AMBRA1: variants seen among roughly 807,000 people sequenced by gnomAD.
AMBRA1 encodes autophagy and beclin 1 regulator 1, also known as activating molecule in BECN1-regulated autophagy protein 1.
In AMBRA1, 47 loss-of-function variants were observed where a neutral mutation model predicts 125.4. That is an observed-to-expected ratio of 0.37 (90% CI 0.30 to 0.48). The LOEUF is 0.48. Among genes scored for constraint, AMBRA1 ranks in the 20% least tolerant of loss-of-function variants. The pLI, the probability that AMBRA1 is intolerant of heterozygous loss-of-function variation, is 0.99. For missense variants in AMBRA1, 1,331 were observed against 1,693.4 expected (o/e 0.79, Z 3.76); for synonymous variants, 626 against 655.5 (o/e 0.95, Z 0.69).
chr11:46,528,476 G>A (rs1591038261), intron 7 of AMBRA1, among the ~76,000 whole-genome samples: 1 of 152,124 alleles, frequency 6.6e-6, no homozygotes, highest in Admixed American at 6.5e-5. Context: ...CAGCCACTGT[G>A]ACATATTAAT....
At chr11:46,481,952 G>A (rs1323932835) in intron 11 of AMBRA1, among the ~76,000 whole-genome samples, 1 of 152,124 alleles carries the variant, frequency 6.6e-6, no homozygotes. Context: ...TGTTCTTAGG[G>A]GTTTTGTTTA....
intron 10 of AMBRA1, 136 bp downstream of exon 10, chr11:46,493,988 A>G (rs1477297286): frequency 1.2e-6 from 1 of 817,318 alleles, no homozygotes; most frequent in East Asian, 2.7e-5. Context: ...TCAAGAGTTT[A>G]GACAGCAGGG....
chr11:46,490,930 T>C (rs1950436895), intron 11 of AMBRA1: 1 of 152,152 alleles, frequency 6.6e-6, no homozygotes. Context: ...TCCAGGAAAA[T>C]TGGGAGTGCT....
chr11:46,409,018 A>G (rs1946156012), intron 16 of AMBRA1, among the ~76,000 whole-genome samples: 1 of 152,244 alleles, frequency 6.6e-6, no homozygotes, highest in Non-Finnish European at 1.5e-5. Flanking sequence ...GAGATGGCTG[A>G]TCTGAAAAGA....
intron 11 of AMBRA1, among the ~76,000 whole-genome samples, chr11:46,483,278 T>C (rs1333933907): frequency 6.6e-6 from 1 of 152,034 alleles, no homozygotes; most frequent in Admixed American, 6.6e-5. Context: ...CCAAAAGAAA[T>C]ACCCAAGGGA....
intron 11 of AMBRA1, among the ~76,000 whole-genome samples, chr11:46,479,019 T>C (rs749500151): frequency 6.6e-6 from 1 of 152,074 alleles, no homozygotes; most frequent in Admixed American, 6.6e-5. Flanking sequence ...GGCAACACAG[T>C]GAAACCCTGT....
At chr11:46,442,246 A>T (rs1219402985) in intron 12 of AMBRA1, among the ~76,000 whole-genome samples, 1 of 151,586 alleles carries the variant, frequency 6.6e-6, no homozygotes, top group East Asian at 1.9e-4. Flanking sequence ...AGGTTCGAGC[A>T]ATTCTTGTGC....
intron 9 of AMBRA1, among the ~76,000 whole-genome samples, chr11:46,498,685 G>A (rs1275924933): frequency 6.6e-6 from 1 of 152,182 alleles, no homozygotes; most frequent in East Asian, 1.9e-4. Context: ...ACTGCTGTCT[G>A]AGTCCTGACC....
At chr11:46,588,497 C>G (rs1377599068) in intron 1 of AMBRA1, among the ~76,000 whole-genome samples, 1 of 151,700 alleles carries the variant, frequency 6.6e-6, no homozygotes, top group African/African-American at 2.4e-5. Flanking sequence ...TATGATGGGC[C>G]GGGCACGGTG....
intron 1 of AMBRA1, among the ~76,000 whole-genome samples, chr11:46,578,829 C>G (rs568137486): frequency 7.2e-6 from 1 of 138,460 alleles, no homozygotes; most frequent in Non-Finnish European, 1.5e-5. Flanking sequence ...TGCAGTGAGC[C>G]GAGATTGCAC....
chr11:46,510,141 T>C (rs1018672509), intron 8 of AMBRA1, among the ~76,000 whole-genome samples: 1 of 152,190 alleles, frequency 6.6e-6, no homozygotes, highest in African/African-American at 2.4e-5. Flanking sequence ...AATAATACAC[T>C]GCAGTGAACA....
At chr11:46,430,973 C>T (rs1040806100) in intron 14 of AMBRA1, among the ~76,000 whole-genome samples, 7 of 152,204 alleles carry the variant, frequency 4.6e-5, no homozygotes, top group Admixed American at 2.0e-4. Flanking sequence ...TTGCCTTAAA[C>T]GGTGATACAG....
chr11:46,554,776 A>G (rs1348458245), intron 1 of AMBRA1, among the ~76,000 whole-genome samples: 1 of 152,198 alleles, frequency 6.6e-6, no homozygotes, highest in East Asian at 1.9e-4. Flanking sequence ...TTTAAAAAGG[A>G]AGAAGAAACA....
At chr11:46,482,717 A>G (rs2136923925) in intron 11 of AMBRA1, among the ~76,000 whole-genome samples, 1 of 152,306 alleles carries the variant, frequency 6.6e-6, no homozygotes, top group Middle Eastern at 3.4e-3. Flanking sequence ...ATGAGCCACA[A>G]GAGTAAAAAC....
chr11:46,434,358 A>C (rs1000220750), intron 13 of AMBRA1, among the ~76,000 whole-genome samples: 1 of 152,014 alleles, frequency 6.6e-6, no homozygotes, highest in Non-Finnish European at 1.5e-5. Flanking sequence ...AATTCAACTC[A>C]AGGTGACACC....
At chr11:46,463,706 C>T (rs990408296) in intron 11 of AMBRA1, among the ~76,000 whole-genome samples, 1 of 152,188 alleles carries the variant, frequency 6.6e-6, no homozygotes, top group Non-Finnish European at 1.5e-5. Context: ...TCTGCAACTC[C>T]AGGAAAGCAC....
At chr11:46,408,378 T>G (rs1261018294) in intron 17 of AMBRA1, 135 bp downstream of exon 17, 5 of 928,276 alleles carry the variant, frequency 5.4e-6, no homozygotes, top group African/African-American at 3.4e-5. Context: ...ACCATGTCGC[T>G]GCTGAGGAGG....
intron 14 of AMBRA1, among the ~76,000 whole-genome samples, chr11:46,423,193 G>A (rs78383566): frequency 0.018 from 2,675 of 152,192 alleles, 91 homozygotes; most frequent in South Asian, 0.15. Context: ...GGCAGTGGGA[G>A]AAATACCTTG....
intron 15 of AMBRA1, among the ~76,000 whole-genome samples, chr11:46,416,804 A>C (rs1590746272): frequency 6.6e-6 from 1 of 152,214 alleles, no homozygotes; most frequent in Admixed American, 6.5e-5. Flanking sequence ...GGAACCTTGC[A>C]GCGTCCCACG....
Sources: allele counts gnomAD v4.1 joint callset (sites outside exome capture counted in the v4.1 genomes callset), GRCh38; gene constraint gnomAD v4.1.1; transcripts MANE v1.5; gene names NCBI Gene and HGNC (gene_info 2026-07-23, HGNC 2026-07-21).